The following NGEF variants were observed in gnomAD, a reference collection of about 807,000 sequenced individuals.
NGEF encodes the protein ephexin-1.
A neutral mutation model predicts 80.9 loss-of-function variants in NGEF; 31 were observed. That is an observed-to-expected ratio of 0.38 (90% CI 0.29 to 0.52). The LOEUF (loss-of-function observed/expected upper bound fraction) is 0.52, where lower values mean the gene tolerates loss of function less well. Among genes scored for constraint, NGEF ranks in the 20% least tolerant of loss-of-function variants. The probability of loss-of-function intolerance (pLI) is 0.84; values close to 1 mark genes in which losing one functional copy is unlikely to be tolerated. For missense variants in NGEF, 709 were observed against 926.2 expected (o/e 0.77, Z 3.04); for synonymous variants, 371 against 370.2 (o/e 1.00, Z -0.03).
At chr2:232,933,023 C>A (rs892340059) in intron 3 of NGEF, among the ~76,000 whole-genome samples, 1 of 151,784 alleles carries the variant, frequency 6.6e-6, no homozygotes, top group Non-Finnish European at 1.5e-5. Flanking sequence ...GCAGGAGAAT[C>A]GCTTGAACCC....
chr2:232,907,353 A>G (rs1243570475), intron 5 of NGEF, among the ~76,000 whole-genome samples: 1 of 152,166 alleles, frequency 6.6e-6, no homozygotes, highest in African/African-American at 2.4e-5. Context: ...AGAAAAAGAG[A>G]GTTCCTGACA....
At chr2:232,960,815 T>C (rs1341100814) in intron 3 of NGEF, among the ~76,000 whole-genome samples, 1 of 152,136 alleles carries the variant, frequency 6.6e-6, no homozygotes, top group Non-Finnish European at 1.5e-5. Context: ...GAGGCAGAGG[T>C]TGCAGTGAGC....
At chr2:232,899,389 T>C (rs1161511904) in intron 5 of NGEF, among the ~76,000 whole-genome samples, 1 of 152,216 alleles carries the variant, frequency 6.6e-6, no homozygotes, top group Non-Finnish European at 1.5e-5. Flanking sequence ...ACTTCCTGGC[T>C]TTCCTAAGCC....
chr2:232,920,039 T>A (rs778355), intron 5 of NGEF, among the ~76,000 whole-genome samples: 3 of 152,128 alleles, frequency 2.0e-5, no homozygotes, highest in African/African-American at 7.2e-5. Context: ...TCCTACTATC[T>A]CATCAGACAG....
At chr2:232,897,861 G>A (rs567209332) in intron 5 of NGEF, among the ~76,000 whole-genome samples, 54 of 135,416 alleles carry the variant, frequency 4.0e-4, no homozygotes, top group African/African-American at 1.2e-3. Flanking sequence ...AGACAGCGAC[G>A]GTCAGAGACG....
At chr2:232,949,234 T>C (rs1693626726) in intron 3 of NGEF, among the ~76,000 whole-genome samples, 1 of 152,154 alleles carries the variant, frequency 6.6e-6, no homozygotes, top group African/African-American at 2.4e-5. Context: ...TGTTCACTGC[T>C]AAATCCCCAG....
At chr2:232,913,201 G>C (rs1389497212) in intron 5 of NGEF, among the ~76,000 whole-genome samples, 1 of 152,190 alleles carries the variant, frequency 6.6e-6, no homozygotes, top group Non-Finnish European at 1.5e-5. Context: ...TTCATTTTCA[G>C]TCACTTCAAA....
At chr2:232,943,082 G>C (rs1405922409) in intron 3 of NGEF, among the ~76,000 whole-genome samples, 1 of 151,904 alleles carries the variant, frequency 6.6e-6, no homozygotes, top group African/African-American at 2.4e-5. Context: ...TATTTGTCAC[G>C]GAGTCAGTGG....
At chr2:232,997,442 C>A (rs934802316) in intron 1 of NGEF, among the ~76,000 whole-genome samples, 1 of 152,136 alleles carries the variant, frequency 6.6e-6, no homozygotes, top group Non-Finnish European at 1.5e-5. Context: ...TGCAGTGAAA[C>A]TGTCAAAGTG....
Position 232,879,419 on chromosome 2 carries a change from A to T in NGEF, c.*70T>A. 2 of 1,186,142 alleles carry T rather than the reference A, an allele frequency of 1.7e-6. No individual in the cohort carries two copies. The highest frequency in any genetic ancestry group is 2.3e-6 in the Non-Finnish European group (2 of 883,428). 73.5% of individuals were successfully genotyped at this position (1,186,142 alleles called of 1,614,324 possible). A position where few individuals can be genotyped will look rare whatever the true frequency, so the allele number is the denominator to read the frequency against. ...GGAGGTGCTGGCCTGTGCTTCCCAG[A>T]GCCCCCCCCCCCCCACCTTCTGTCG... On this transcript the variant is annotated 3_prime_UTR_variant, in exon 15 of 15. Transcript: ENST00000264051.
chr2:232,911,766 A>G (rs1416817073), intron 5 of NGEF, among the ~76,000 whole-genome samples: 2 of 152,264 alleles, frequency 1.3e-5, no homozygotes, highest in Admixed American at 1.3e-4. Flanking sequence ...CAGGGCAGCT[A>G]TTGTAAATGG....
chr2:232,944,181 C>A (rs13421695), intron 3 of NGEF, among the ~76,000 whole-genome samples: 10,449 of 151,990 alleles, frequency 0.069, 589 homozygotes, highest in African/African-American at 0.16. Context: ...TTGCAGTGAA[C>A]TGAGATCGCA....
At chr2:232,934,655 G>C (rs1262699324) in intron 3 of NGEF, among the ~76,000 whole-genome samples, 1 of 152,170 alleles carries the variant, frequency 6.6e-6, no homozygotes, top group Non-Finnish European at 1.5e-5. Flanking sequence ...ATAAAGTATT[G>C]ATAAATATTT....
Position 232,901,375 on chromosome 2 carries a change from T to C in NGEF, c.829-6459A>G, listed in dbSNP as rs371429237. 59 of 985,416 alleles carry C rather than the reference T, an allele frequency of 6.0e-5. No homozygotes were observed. The African/African-American group carries it at 9.4e-4, about 16-fold the overall frequency. The allele number at this position is 985,416 out of a possible 1,614,324, so 61.0% of individuals were successfully genotyped here. A position where few individuals can be genotyped will look rare whatever the true frequency, so the allele number is the denominator to read the frequency against. On this transcript the variant is annotated intron_variant, in intron 5 of 14. Transcript: ENST00000264051. ...CCCGCTCTTTACCTACACGGTCTCC[T>C]TATGATCCAGGGTTCGCCGTGGACC...
chr2:232,901,432 T>G (rs1692353860), intron 5 of NGEF: 1 of 985,492 alleles, frequency 1.0e-6, no homozygotes, highest in Non-Finnish European at 1.2e-6. Context: ...TGATTTGGGT[T>G]GTTTTTTTGG....
At chr2:232,987,166 G>A (rs979606360) in intron 1 of NGEF, among the ~76,000 whole-genome samples, 2 of 152,126 alleles carry the variant, frequency 1.3e-5, no homozygotes, top group African/African-American at 4.8e-5. Flanking sequence ...ACAGGCACGT[G>A]CCGCCACGCC....
At chr2:232,964,415 G>A (rs995744676) in intron 3 of NGEF, among the ~76,000 whole-genome samples, 19 of 152,156 alleles carry the variant, frequency 1.2e-4, no homozygotes, top group African/African-American at 3.4e-4. Flanking sequence ...AATTTGGGCC[G>A]GGCGCGGTGG....
At chr2:232,905,239 T>C (rs1256105068) in intron 5 of NGEF, among the ~76,000 whole-genome samples, 2 of 152,240 alleles carry the variant, frequency 1.3e-5, no homozygotes, top group East Asian at 1.9e-4. Flanking sequence ...GTGCCTGCGA[T>C]TGCAGGCGCG....
rs866450290 is a variant in NGEF, at chr2:232,885,410, C to T, written c.1348-41G>A. 4 of 1,550,374 alleles carry T rather than the reference C, an allele frequency of 2.6e-6. No individual in the cohort carries two copies. The African/African-American group carries it at 4.1e-5, about 16-fold the overall frequency. ...GGGCACATCAGGCCACCAAAGCCGGCTGTCCCGGCCCCTTCCTCCAGCTCG... is the reference window on the plus strand; with the variant it reads ...GGGCACATCAGGCCACCAAAGCCGGTTGTCCCGGCCCCTTCCTCCAGCTCG... On this transcript the variant is annotated intron_variant, in intron 9 of 14. Coordinates refer to ENST00000264051, the MANE Select transcript of NGEF (RefSeq NM_019850.3).
Sources: gnomAD v4.1 joint callset for allele counts (sites outside exome capture counted in the v4.1 genomes callset) on GRCh38, gnomAD v4.1.1 for gene constraint, MANE v1.5 for transcripts, NCBI Gene and HGNC (gene_info 2026-07-23, HGNC 2026-07-21) for gene names.